CTNNBL1: variants seen among roughly 807,000 people sequenced by gnomAD.
The protein encoded by CTNNBL1 is catenin beta like 1, also known as beta-catenin-like protein 1.
CTNNBL1 carries 31 observed loss-of-function variants against 72.7 expected under a neutral mutation model. That is an observed-to-expected ratio of 0.43 (90% confidence interval 0.32 to 0.58). The LOEUF (loss-of-function observed/expected upper bound fraction) is 0.58, where lower values mean the gene tolerates loss of function less well. Ranked by LOEUF, CTNNBL1 falls within the 20% of genes least tolerant of loss-of-function variation. The probability of loss-of-function intolerance (pLI) is 0.08; values close to 1 mark genes in which losing one functional copy is unlikely to be tolerated. For missense variants in CTNNBL1, 534 were observed against 725.1 expected, an observed-to-expected ratio of 0.74 and a Z score of 3.03; for synonymous variants, 240 against 267.3, an observed-to-expected ratio of 0.90 and a Z score of 1.00.
rs1329993826 is a variant in CTNNBL1, at chr20:37,814,645, A to G, written c.1213+11597A>G. On this transcript the variant is annotated intron_variant, in intron 11 of 15. Transcript: ENST00000361383. The stretch of plus-strand genomic sequence containing the variant: ...CAGCTAAACAGCTTTGACAAAATAC[A>G]TGTCCCTCCTCCAGCAATTCTGAGG... Among the ~76,000 whole-genome samples the G allele has an allele frequency of 3.3e-5, 5 of 152,162 alleles. No homozygotes were observed. In the East Asian group the frequency reaches 7.7e-4, roughly 24 times the overall value.
intron 11 of CTNNBL1, among the ~76,000 whole-genome samples, chr20:37,823,368 A>T (rs1436404103): frequency 6.6e-6 from 1 of 152,236 alleles, no homozygotes; most frequent in African/African-American, 2.4e-5. Flanking sequence ...GATTTCAAGA[A>T]AGTGAACATA....
chr20:37,778,661 G>T (rs1314164711), intron 9 of CTNNBL1, among the ~76,000 whole-genome samples: 1 of 152,202 alleles, frequency 6.6e-6, no homozygotes, highest in Non-Finnish European at 1.5e-5. Flanking sequence ...AGTAGCCTTG[G>T]TTGTCAGGAA....
chr20:37,742,054 T>A (rs2073221121), intron 3 of CTNNBL1, among the ~76,000 whole-genome samples: 1 of 152,172 alleles, frequency 6.6e-6, no homozygotes, highest in African/African-American at 2.4e-5. Flanking sequence ...CAAAGAAAGC[T>A]ATTCCATCAT....
At chr20:37,744,782 G>A (rs1406403693) in intron 3 of CTNNBL1, 1 of 152,102 alleles carries the variant, frequency 6.6e-6, no homozygotes, top group African/African-American at 2.4e-5. Flanking sequence ...AACAACAACA[G>A]CAAAATGAAT....
chr20:37,712,656 C>G (rs2072948923), intron 1 of CTNNBL1, among the ~76,000 whole-genome samples: 1 of 152,232 alleles, frequency 6.6e-6, no homozygotes, highest in Non-Finnish European at 1.5e-5. Context: ...TTAAAAAGAA[C>G]TGTTCCTAAT....
chr20:37,756,672 C>T (rs377320301), intron 4 of CTNNBL1, among the ~76,000 whole-genome samples: 2 of 129,716 alleles, frequency 1.5e-5, no homozygotes, highest in Admixed American at 1.8e-4. Flanking sequence ...GGGTCTCACT[C>T]TGTTTCCCAG....
Position 37,737,494 on chromosome 20 carries a change from T to A in CTNNBL1, c.326+10T>A, listed in dbSNP as rs1446051493. On this transcript the variant is annotated intron_variant, in intron 3 of 15. Transcript: ENST00000361383. ...CAGACAATCCAGAGAAGTAAGGTTC[T>A]GTTCCACTGATACCATGTCTCCTCT... 1.3e-6 allele frequency: 2 copies of A among 1,550,202 alleles called. No individual in the cohort carries two copies. The highest frequency in any genetic ancestry group is 1.8e-6 in the Non-Finnish European group (2 of 1,125,066).
At chr20:37,867,129 A>G (rs1045819365) in intron 15 of CTNNBL1, among the ~76,000 whole-genome samples, 1 of 152,214 alleles carries the variant, frequency 6.6e-6, no homozygotes, top group African/African-American at 2.4e-5. Context: ...GAGAAGCGCA[A>G]CTTTCAACCT....
intron 1 of CTNNBL1, among the ~76,000 whole-genome samples, chr20:37,714,633 G>C (rs796440257): frequency 6.6e-6 from 1 of 152,278 alleles, no homozygotes; most frequent in African/African-American, 2.4e-5. Context: ...TCATTTATTT[G>C]CCAAAGATTT....
chr20:37,843,671 G>A (rs2072323675), intron 13 of CTNNBL1, among the ~76,000 whole-genome samples: 1 of 152,196 alleles, frequency 6.6e-6, no homozygotes, highest in Non-Finnish European at 1.5e-5. Context: ...AAATGTCAGA[G>A]TTACCAAAGG....
At chr20:37,865,659 G>A (rs1236135446) in intron 15 of CTNNBL1, among the ~76,000 whole-genome samples, 1 of 152,140 alleles carries the variant, frequency 6.6e-6, no homozygotes, top group East Asian at 1.9e-4. Context: ...AGAATGCTTC[G>A]AAATACAAAT....
chr20:37,754,360 A>G (rs1037258667), intron 4 of CTNNBL1, among the ~76,000 whole-genome samples: 2 of 149,800 alleles, frequency 1.3e-5, no homozygotes, highest in African/African-American at 4.9e-5. Flanking sequence ...GACTCAGGCA[A>G]TCCTCCTGCC....
At chr20:37,809,009 C>T (rs1187090718) in intron 11 of CTNNBL1, among the ~76,000 whole-genome samples, 1 of 146,136 alleles carries the variant, frequency 6.8e-6, no homozygotes, top group Non-Finnish European at 1.6e-5. Flanking sequence ...CAGTCCTTTT[C>T]ATTGCCACTG....
intron 7 of CTNNBL1, among the ~76,000 whole-genome samples, chr20:37,769,042 G>A (rs759811759): frequency 2.9e-4 from 44 of 152,180 alleles, no homozygotes; most frequent in Non-Finnish European, 5.0e-4. Flanking sequence ...GTCTCCCAGA[G>A]TGCTGGGATT....
intron 10 of CTNNBL1, among the ~76,000 whole-genome samples, chr20:37,801,560 T>C (rs2073823921): frequency 6.6e-6 from 1 of 152,156 alleles, no homozygotes; most frequent in African/African-American, 2.4e-5. Flanking sequence ...TTGAAAATAG[T>C]TTATGTTTTT....
At chr20:37,766,684 A>G (rs561416546) in intron 6 of CTNNBL1, among the ~76,000 whole-genome samples, 1 of 152,196 alleles carries the variant, frequency 6.6e-6, no homozygotes, top group African/African-American at 2.4e-5. Context: ...GGGGAGTATC[A>G]TTTGCAAAGT....
chr20:37,713,599 T>C (rs2072958685), intron 1 of CTNNBL1, among the ~76,000 whole-genome samples: 1 of 152,124 alleles, frequency 6.6e-6, no homozygotes, highest in Non-Finnish European at 1.5e-5. Context: ...GATAATATCA[T>C]GGGGTGGGTG....
At chr20:37,795,354 A>T (rs970190433) in intron 10 of CTNNBL1, among the ~76,000 whole-genome samples, 1 of 152,144 alleles carries the variant, frequency 6.6e-6, no homozygotes, top group African/African-American at 2.4e-5. Flanking sequence ...CAGTTTTGCC[A>T]TGTTGCCCAG....
At chr20:37,835,804 G>A (rs921540197) in intron 11 of CTNNBL1, among the ~76,000 whole-genome samples, 1 of 152,140 alleles carries the variant, frequency 6.6e-6, no homozygotes, top group Admixed American at 6.5e-5. Context: ...AATAAGCTCA[G>A]TGGAATTCTA....
Sources: gnomAD v4.1 joint callset for allele counts (sites outside exome capture counted in the v4.1 genomes callset) on GRCh38, gnomAD v4.1.1 for gene constraint, MANE v1.5 for transcripts, NCBI Gene and HGNC (gene_info 2026-07-23, HGNC 2026-07-21) for gene names.